Variants in ZNF516 observed in about 807,000 individuals in gnomAD.
The protein encoded by ZNF516 is zinc finger protein 516.
A neutral mutation model predicts 79.7 loss-of-function variants in ZNF516; 19 were observed. The ratio of observed to expected loss-of-function variants is 0.24; its 90% CI spans 0.17 to 0.35. The LOEUF (loss-of-function observed/expected upper bound fraction) is 0.35. Ranked by LOEUF, ZNF516 falls within the 10% of genes least tolerant of loss-of-function variation. The pLI is 1.00. For missense variants in ZNF516, 1,678 were observed against 1,679.5 expected (o/e 1.00, Z 0.02); for synonymous variants, 877 against 739.5 (o/e 1.19, Z -3.02).
In ZNF516 at chr18:76,362,401, A is replaced by G; in HGVS notation, c.*97T>C. On this transcript the variant is annotated 3_prime_UTR_variant, in exon 7 of 7. Transcript: ENST00000443185. Reference sequence around the variant, plus strand: ...TCAGGAGTTCCCCGGCTGTTCTTCCATGGAGCGGCCAGGTCACAGGTGGGA... The same window carrying G: ...TCAGGAGTTCCCCGGCTGTTCTTCCGTGGAGCGGCCAGGTCACAGGTGGGA... 8.0e-7 allele frequency: 1 copy of G among 1,244,502 alleles called. No individual in the cohort carries two copies. The highest frequency in any genetic ancestry group is 1.5e-5 in the African/African-American group (1 of 67,516). 77.1% of individuals were successfully genotyped at this position (1,244,502 alleles called of 1,614,324 possible). A position where few individuals can be genotyped will look rare whatever the true frequency, so the allele number is the denominator to read the frequency against.
In ZNF516 at chr18:76,467,112, C is replaced by T. The variant is rs656769; in HGVS notation, c.-271-3971G>A. On this transcript the variant is annotated intron_variant, in intron 1 of 6. Coordinates refer to ENST00000443185, the MANE Select transcript of ZNF516 (RefSeq NM_014643.4). This position sits in a 1 kb window ranked among gnomAD's most constrained non-coding sequence, Gnocchi z 4.2. ...ACCTGCAGCTGACAGCCCCTCTGGG[C>T]TGGCAGGAAGTCCTGCGTGTCTCTC... Among the ~76,000 whole-genome samples the T allele has an allele frequency of 1.7e-4, 26 of 151,168 alleles. No individual in the cohort carries two copies. Among genetic ancestry groups the T allele is most frequent in the African/African-American group, 5.9e-4 (24 of 40,940 alleles).
rs1014421121 is a variant in ZNF516 at position 76,493,665 on chromosome 18, G to A, written c.-272+1479C>T. 1 of 152,112 alleles carries A rather than the reference G, an allele frequency of 6.6e-6. No homozygotes were observed. The highest frequency in any genetic ancestry group is 2.4e-5 in the African/African-American group (1 of 41,394). 9.4% of individuals were successfully genotyped at this position (152,112 alleles called of 1,614,324 possible). A position where few individuals can be genotyped will look rare whatever the true frequency, so the allele number is the denominator to read the frequency against. Reference sequence around the variant, plus strand: ...AACATCTTTTCCAAAAAGACCTGACGTCACAATTCACTCCCTGAAAAATCA... The same window carrying A: ...AACATCTTTTCCAAAAAGACCTGACATCACAATTCACTCCCTGAAAAATCA... On this transcript the variant is annotated intron_variant, in intron 1 of 6. Transcript: ENST00000443185. This position sits in a 1 kb window ranked among gnomAD's most constrained non-coding sequence, Gnocchi z 5.2.
chr18:76,465,703 C>T (rs1913422387), intron 1 of ZNF516, among the ~76,000 whole-genome samples: 1 of 152,202 alleles, frequency 6.6e-6, no homozygotes, highest in Non-Finnish European at 1.5e-5. Flanking sequence ...CTGGGCTAAA[C>T]CAATCAGAAA....
intron 1 of ZNF516, among the ~76,000 whole-genome samples, chr18:76,489,586 CAAAA>C (rs5826461): frequency 6.4e-5 from 7 of 109,368 alleles, no homozygotes; most frequent in East Asian, 2.7e-4. Flanking sequence ...CAACATCTTA[CAAAA>C]AAAAAAAAAA....
upstream of ZNF516, chr18:76,495,775 C>T (rs1400334044): frequency 2.6e-6 from 3 of 1,136,174 alleles, no homozygotes; most frequent in Non-Finnish European, 3.3e-6. Context: ...GACACCCCTT[C>T]GGGGGTCCCA....
intron 4 of ZNF516, among the ~76,000 whole-genome samples, chr18:76,374,163 A>C (rs941423982): frequency 1.2e-4 from 18 of 152,248 alleles, no homozygotes; most frequent in African/African-American, 4.3e-4. Context: ...TCCTTGGTAT[A>C]AATGACTTTT....
intron 3 of ZNF516, among the ~76,000 whole-genome samples, chr18:76,437,067 A>AACAC (rs370573337): frequency 0.019 from 2,581 of 135,914 alleles, 62 homozygotes; most frequent in African/African-American, 0.051. Flanking sequence ...ACCTGTCTAA[A>AACAC]ACACACACAC....
At chr18:76,404,581 ATGAG>A (rs756572394) in intron 3 of ZNF516, among the ~76,000 whole-genome samples, 37 of 151,974 alleles carry the variant, frequency 2.4e-4, no homozygotes, top group Non-Finnish European at 4.1e-4. Context: ...TGAGTATGTA[ATGAG>A]TAAGCATGTG....
rs555476813 is a variant in ZNF516, at chr18:76,410,198, T to C, written c.1811-29895A>G. The stretch of plus-strand genomic sequence containing the variant: ...AATACAGGAGGCTCCCAGCTGCCAG[T>C]GCTGGCTGGCAAGGACAGGGAAGTA... On this transcript the variant is annotated intron_variant, in intron 3 of 6. Transcript: ENST00000443185. Among the ~76,000 whole-genome samples the C allele has an allele frequency of 5.9e-5, 9 of 152,324 alleles. No homozygotes were observed. The South Asian group carries it at 1.9e-3, about 32-fold the overall frequency.
Position 76,380,322 on chromosome 18 carries a change from G to C in ZNF516, c.1811-19C>G, listed in dbSNP as rs755322430. The C allele has an allele frequency of 2.1e-5, 33 of 1,606,070 alleles. No homozygotes were observed. In the Admixed American group the frequency reaches 3.7e-4, roughly 18 times the overall value. ...TGTCCCCCTAGAGGAGGCAAAATAT[G>C]AAACGGGAAGTTACCATTTCTCATC... On this transcript the variant is annotated intron_variant, in intron 3 of 6. Coordinates refer to ENST00000443185, the MANE Select transcript of ZNF516 (RefSeq NM_014643.4).
At chr18:76,376,865 C>A (rs1337603084) in intron 4 of ZNF516, among the ~76,000 whole-genome samples, 1 of 152,074 alleles carries the variant, frequency 6.6e-6, no homozygotes, top group African/African-American at 2.4e-5. Context: ...TGCTGGGAGG[C>A]GGCCACCGGG....
intron 3 of ZNF516, among the ~76,000 whole-genome samples, chr18:76,419,578 G>A (rs1233207704): frequency 6.6e-6 from 1 of 152,196 alleles, no homozygotes; most frequent in South Asian, 2.1e-4. Context: ...TACTGAGAGG[G>A]ACCTGATGGG....
At chr18:76,365,862 G>A (rs753928674) in intron 6 of ZNF516, among the ~76,000 whole-genome samples, 23 of 152,206 alleles carry the variant, frequency 1.5e-4, no homozygotes, top group Non-Finnish European at 1.9e-4. Context: ...CTAAAGGGGT[G>A]TGCTGTGAGC....
At chr18:76,483,265 C>G (rs982570268) in intron 1 of ZNF516, among the ~76,000 whole-genome samples, 7 of 152,122 alleles carry the variant, frequency 4.6e-5, no homozygotes, top group African/African-American at 1.7e-4. Flanking sequence ...ACAGCTCAAG[C>G]CAGCCAACCT....
intron 1 of ZNF516, chr18:76,492,324 C>T (rs1159532149): frequency 1.0e-6 from 1 of 985,366 alleles, no homozygotes; most frequent in Non-Finnish European, 1.2e-6. Flanking sequence ...CTGAGAAAGT[C>T]GGTGCCACAG....
rs555942481 is a variant in ZNF516, at chr18:76,485,835, A to G, written c.-272+9309T>C. 2.0e-5 allele frequency among the ~76,000 whole-genome samples: 3 copies of G among 151,640 alleles called. No individual in the cohort carries two copies. The East Asian group carries it at 5.8e-4, about 29-fold the overall frequency. The stretch of plus-strand genomic sequence containing the variant: ...CAGAAGCTCAGGGGAACTATTAAAT[A>G]GGATTGTCCATTTGTTCATTAACTC... On this transcript the variant is annotated intron_variant, in intron 1 of 6. Transcript: ENST00000443185.
At chr18:76,387,849 G>T (rs561426532) in intron 3 of ZNF516, 1 of 152,242 alleles carries the variant, frequency 6.6e-6, no homozygotes, top group Non-Finnish European at 1.5e-5. Flanking sequence ...GGAAACCTGC[G>T]GCCCTAAATG....
At chr18:76,391,149 A>G (rs963623161) in intron 3 of ZNF516, among the ~76,000 whole-genome samples, 6 of 152,158 alleles carry the variant, frequency 3.9e-5, no homozygotes, top group Admixed American at 3.3e-4. Context: ...GAGATTTCGA[A>G]AAGAAAAGAG....
chr18:76,445,517 AAC>A (rs1349159572), intron 2 of ZNF516, among the ~76,000 whole-genome samples: 1 of 152,222 alleles, frequency 6.6e-6, no homozygotes, highest in Non-Finnish European at 1.5e-5. Flanking sequence ...GTATGAATGA[AAC>A]ACACTATTTA....
Sources: allele counts gnomAD v4.1 joint callset (sites outside exome capture counted in the v4.1 genomes callset), GRCh38; gene constraint gnomAD v4.1.1; non-coding constraint Gnocchi (gnomAD v3.1); transcripts MANE v1.5; gene names NCBI Gene and HGNC (gene_info 2026-07-23, HGNC 2026-07-21).